Variants in DLG2 observed in about 807,000 individuals in gnomAD.
The protein encoded by DLG2 is disks large homolog 2.
DLG2 carries 45 observed loss-of-function variants against 132.5 expected under a neutral mutation model. The observed-to-expected ratio is 0.34, with a 90% CI of 0.27 to 0.44. DLG2 has a LOEUF of 0.44. Ranked by LOEUF, DLG2 falls within the 20% of genes least tolerant of loss-of-function variation. The pLI, the probability that DLG2 is intolerant of heterozygous loss-of-function variation, is 1.00. For missense variants in DLG2, 1,045 were observed against 1,196.9 expected, an observed-to-expected ratio of 0.87 and a Z score of 1.87; for synonymous variants, 424 against 419.6, an observed-to-expected ratio of 1.01 and a Z score of -0.13.
intron 4 of DLG2, among the ~76,000 whole-genome samples, chr11:85,250,949 C>A (rs528119098): frequency 3.3e-5 from 5 of 152,214 alleles, no homozygotes; most frequent in African/African-American, 1.2e-4. Context: ...TACAGGGTGT[C>A]ATTGGAGTGG....
intron 15 of DLG2, among the ~76,000 whole-genome samples, chr11:83,926,774 T>A (rs1291972944): frequency 2.0e-5 from 3 of 152,152 alleles, no homozygotes; most frequent in African/African-American, 7.2e-5. Context: ...TATATGTTAT[T>A]CAAGAACACA....
rs183296987 is a variant in DLG2, at chr11:83,557,315, G to C, written c.1941-15457C>G. Among the ~76,000 whole-genome samples the C allele has an allele frequency of 5.3e-5, 8 of 152,334 alleles. No homozygotes were observed. The East Asian group carries it at 1.5e-3, about 29-fold the overall frequency. On this transcript the variant is annotated intron_variant, in intron 19 of 27. Transcript: ENST00000376104. ...AAAACAAGGACAGTCTACTCTGAATGATGAGGTGATGAGATGACAGGTTCC... is the reference window on the plus strand; with the variant it reads ...AAAACAAGGACAGTCTACTCTGAATCATGAGGTGATGAGATGACAGGTTCC...
chr11:85,506,520 G>A (rs539291073), intron 3 of DLG2, among the ~76,000 whole-genome samples: 2 of 152,012 alleles, frequency 1.3e-5, no homozygotes, highest in African/African-American at 4.8e-5. Context: ...GCCTAGTTGT[G>A]TGATTTTTGA....
rs193065931 is a variant in DLG2 at position 85,106,784 on chromosome 11, G to A, written c.357+4877C>T. ...ACTTTACTCTTTCCACTTACTAGTG[G>A]AAGAGTTAATACTTTAACACAAATT... On this transcript the variant is annotated intron_variant, in intron 6 of 27. Coordinates refer to ENST00000376104, the MANE Select transcript of DLG2 (RefSeq NM_001142699.3). 2.7e-4 allele frequency among the ~76,000 whole-genome samples: 41 copies of A among 152,064 alleles called. No homozygotes were observed. The East Asian group carries it at 4.3e-3, about 16-fold the overall frequency.
chr11:83,950,125 C>G (rs7934379), intron 14 of DLG2, among the ~76,000 whole-genome samples: 1 of 152,100 alleles, frequency 6.6e-6, no homozygotes, highest in African/African-American at 2.4e-5. Flanking sequence ...TTATAGCTGC[C>G]TCCTGGAATT....
At chr11:85,622,367 C>G (rs892057740) in intron 2 of DLG2, among the ~76,000 whole-genome samples, 2 of 151,908 alleles carry the variant, frequency 1.3e-5, no homozygotes. Flanking sequence ...TTTCAGTGGT[C>G]TGGAACCTAA....
At chr11:84,879,714 C>T (rs2086983292) in intron 6 of DLG2, among the ~76,000 whole-genome samples, 1 of 152,066 alleles carries the variant, frequency 6.6e-6, no homozygotes, top group Admixed American at 6.6e-5. Flanking sequence ...CCTATGACTG[C>T]CTGACAGTAT....
intron 5 of DLG2, among the ~76,000 whole-genome samples, chr11:85,137,477 C>G (rs766645855): frequency 2.0e-5 from 3 of 152,108 alleles, no homozygotes; most frequent in Admixed American, 6.6e-5. Flanking sequence ...ATCCTGAAAT[C>G]GTTTCTGTCC....
At chr11:85,238,909 C>A (rs2075737142) in intron 4 of DLG2, among the ~76,000 whole-genome samples, 1 of 151,802 alleles carries the variant, frequency 6.6e-6, no homozygotes. Flanking sequence ...CAGCTGCAAA[C>A]CTCAATATGT....
At position 84,492,504 on chromosome 11, in the gene DLG2, T is replaced by C. The variant is rs995054143; in HGVS notation, c.519+42066A>G. ...AGGTAAATTAGAGTTTGAATACTGA[T>C]TCTATCATCTAATGTCTGTGAGACC... On this transcript the variant is annotated intron_variant, in intron 7 of 27. Coordinates refer to ENST00000376104, the MANE Select transcript of DLG2 (RefSeq NM_001142699.3). Among the ~76,000 whole-genome samples the C allele has an allele frequency of 9.2e-5, 14 of 152,318 alleles. No homozygotes were observed. In the East Asian group the frequency reaches 2.7e-3, roughly 29 times the overall value.
At chr11:85,218,782 A>G (rs1462151139) in intron 4 of DLG2, among the ~76,000 whole-genome samples, 1 of 152,204 alleles carries the variant, frequency 6.6e-6, no homozygotes, top group Non-Finnish European at 1.5e-5. Flanking sequence ...TCCTGGATGC[A>G]CTATTTACAA....
chr11:84,963,646 T>C (rs185378198), intron 6 of DLG2, among the ~76,000 whole-genome samples: 69 of 152,324 alleles, frequency 4.5e-4, no homozygotes, highest in African/African-American at 1.6e-3. Flanking sequence ...CTTGGAGATA[T>C]ATATTCAGAT....
At chr11:84,202,438 C>T (rs575164926) in intron 8 of DLG2, among the ~76,000 whole-genome samples, 2 of 152,236 alleles carry the variant, frequency 1.3e-5, no homozygotes, top group Non-Finnish European at 2.9e-5. Context: ...AAACTGGACC[C>T]CTTCCTTAAA....
intron 6 of DLG2, among the ~76,000 whole-genome samples, chr11:84,864,811 A>T (rs2084296643): frequency 1.3e-5 from 2 of 152,152 alleles, no homozygotes; most frequent in African/African-American, 4.8e-5. Context: ...GGAAGAGACA[A>T]TATTTCGGGC....
chr11:85,096,673 C>T (rs1301491976), intron 6 of DLG2, among the ~76,000 whole-genome samples: 4 of 152,042 alleles, frequency 2.6e-5, no homozygotes, highest in Middle Eastern at 3.4e-3. Context: ...CACATTTTGG[C>T]GACCATGAAG....
At chr11:83,509,014 A>C (rs2094878045) in intron 21 of DLG2, among the ~76,000 whole-genome samples, 1 of 152,242 alleles carries the variant, frequency 6.6e-6, no homozygotes, top group Non-Finnish European at 1.5e-5. Context: ...GGGAGAGCTC[A>C]ATGACTGTTT....
intron 3 of DLG2, among the ~76,000 whole-genome samples, chr11:85,516,060 A>G (rs1461316005): frequency 1.3e-5 from 2 of 152,012 alleles, no homozygotes; most frequent in Non-Finnish European, 2.9e-5. Flanking sequence ...AATCAAATAC[A>G]TTGACTCTCT....
intron 3 of DLG2, among the ~76,000 whole-genome samples, chr11:85,417,749 T>C (rs1366349613): frequency 6.6e-6 from 1 of 152,214 alleles, no homozygotes; most frequent in South Asian, 2.1e-4. Flanking sequence ...TTTACAGTAT[T>C]CTCTGATGGT....
chr11:85,171,191 C>T (rs924947599), intron 4 of DLG2, among the ~76,000 whole-genome samples: 1 of 152,130 alleles, frequency 6.6e-6, no homozygotes, highest in East Asian at 1.9e-4. Flanking sequence ...GAAGCGAATT[C>T]TGTACCTTCA....
Sources: allele counts gnomAD v4.1 joint callset (sites outside exome capture counted in the v4.1 genomes callset), GRCh38; gene constraint gnomAD v4.1.1; transcripts MANE v1.5; gene names NCBI Gene and HGNC (gene_info 2026-07-23, HGNC 2026-07-21).